Variants in ZNF562 observed in about 807,000 individuals in gnomAD.
The protein encoded by ZNF562 is zinc finger protein 562.
ZNF562 carries 13 observed loss-of-function variants against 17.5 expected under a neutral mutation model. That is an observed-to-expected ratio of 0.74 (90% CI 0.48 to 1.18). The LOEUF (loss-of-function observed/expected upper bound fraction) is 1.18, where lower values mean the gene tolerates loss of function less well. ZNF562 is among the 50% of genes most tolerant of loss of function. The pLI is 0.00. For missense variants in ZNF562, 481 were observed against 498.5 expected, an observed-to-expected ratio of 0.96 and a Z score of 0.33; for synonymous variants, 163 against 165.4, an observed-to-expected ratio of 0.99 and a Z score of 0.11.
Position 9,663,248 on chromosome 19 carries a change from C to CAAAAAAAAA in ZNF562, c.-130-2383_-130-2375dup, listed in dbSNP as rs59452070. Among the ~76,000 whole-genome samples, 322 of 129,940 alleles carry CAAAAAAAAA rather than the reference C, an allele frequency of 2.5e-3. 1 individual carries two copies. Among genetic ancestry groups the CAAAAAAAAA allele is most frequent in the South Asian group, 0.015 (59 of 3,858 alleles). 85.2% of individuals were successfully genotyped at this position (129,940 alleles called of 152,430 possible). On this transcript the variant is annotated intron_variant, in intron 1 of 5. Coordinates refer to ENST00000453372, the MANE Select transcript of ZNF562 (RefSeq NM_001130031.2). ...TGAAACCTCGTCTCTACTAAAAATACAAAAAAAAAAAAAATTGCCAGGCAT... is the reference window on the plus strand; with the variant it reads ...TGAAACCTCGTCTCTACTAAAAATACAAAAAAAAAAAAAAAAAAAAAAATTGCCAGGCAT...
Position 9,645,986 on chromosome 19 carries a change from T to C in ZNF562, c.*6963A>G, listed in dbSNP as rs2074803593. 1 of 151,398 alleles carries C rather than the reference T, an allele frequency of 6.6e-6. No individual in the cohort carries two copies. Among genetic ancestry groups the C allele is most frequent in the Non-Finnish European group, 1.5e-5 (1 of 67,946 alleles). 9.4% of individuals were successfully genotyped at this position (151,398 alleles called of 1,614,324 possible). A position where few individuals can be genotyped will look rare whatever the true frequency, so the allele number is the denominator to read the frequency against. On this transcript the variant is annotated 3_prime_UTR_variant, in exon 6 of 6. Coordinates refer to ENST00000453372, the MANE Select transcript of ZNF562 (RefSeq NM_001130031.2). ...ACAAAAAAAATTAGATGCTAGAAAT[T>C]AATCCAAATTATTACTAATTAAATG... is the stretch of plus-strand genomic sequence containing the variant.
At chr19:9,672,853 C>G (rs1416098052) in intron 1 of ZNF562, among the ~76,000 whole-genome samples, 1 of 148,560 alleles carries the variant, frequency 6.7e-6, no homozygotes, top group African/African-American at 2.5e-5. Flanking sequence ...GATCTCGGCT[C>G]AATGCAACCT....
intron 1 of ZNF562, among the ~76,000 whole-genome samples, chr19:9,669,970 G>A (rs1207612387): frequency 6.6e-6 from 1 of 152,152 alleles, no homozygotes; most frequent in Admixed American, 6.6e-5. Context: ...GCTGAGGTAA[G>A]AGAATTGCTT....
chr19:9,671,202 T>C (rs2044186638), intron 1 of ZNF562, among the ~76,000 whole-genome samples: 1 of 152,212 alleles, frequency 6.6e-6, no homozygotes, highest in Admixed American at 6.5e-5. Context: ...ACCCTGATTA[T>C]GTGAATGTAT....
In ZNF562 at chr19:9,652,084, A is replaced by G. The variant is rs779542877; in HGVS notation, c.*865T>C. On this transcript the variant is annotated 3_prime_UTR_variant, in exon 6 of 6. Transcript: ENST00000453372. The stretch of plus-strand genomic sequence containing the variant: ...ATCCTCAAAGTGTGGCTGAACAATC[A>G]TTTGATAAAGAGATCATGAGTGGGA... 6.6e-6 allele frequency: 1 copy of G among 152,234 alleles called. No individual in the cohort carries two copies. The highest frequency in any genetic ancestry group is 1.5e-5 in the Non-Finnish European group (1 of 68,034). The allele number at this position is 152,234 out of a possible 1,614,324, so 9.4% of individuals were successfully genotyped here. A position where few individuals can be genotyped will look rare whatever the true frequency, so the allele number is the denominator to read the frequency against.
chr19:9,673,811 G>T (rs1158382869), intron 1 of ZNF562, among the ~76,000 whole-genome samples: 3 of 152,012 alleles, frequency 2.0e-5, no homozygotes, highest in Non-Finnish European at 2.9e-5. Flanking sequence ...TTCGAGACCA[G>T]CCTGGCCAAC....
chr19:9,660,876 T>C lies in ZNF562; in HGVS notation c.-130-2A>G, dbSNP rs927244903. ...CTTTGTACAGGGTTATCTGAGGCCC[T>C]GTTCATACCAATCACCAAACAACAA... On this transcript the variant is annotated splice_acceptor_variant, in intron 1 of 5. Coordinates refer to ENST00000453372, the MANE Select transcript of ZNF562 (RefSeq NM_001130031.2). LOFTEE classifies it low-confidence loss of function (5UTR_SPLICE). 8.1e-6 allele frequency: 6 copies of C among 743,498 alleles called. No homozygotes were observed. Among genetic ancestry groups the C allele is most frequent in the Non-Finnish European group, 1.3e-5 (6 of 467,874 alleles). 46.1% of individuals were successfully genotyped at this position (743,498 alleles called of 1,614,324 possible). A position where few individuals can be genotyped will look rare whatever the true frequency, so the allele number is the denominator to read the frequency against.
intron 1 of ZNF562, among the ~76,000 whole-genome samples, chr19:9,672,270 T>G (rs926501070): frequency 2.6e-5 from 4 of 152,208 alleles, no homozygotes; most frequent in African/African-American, 9.6e-5. Context: ...TTACGGAAAG[T>G]AGACATTAGA....
chr19:9,653,543 C>T lies in ZNF562; in HGVS notation c.687G>A (p.Glu229=), dbSNP rs1430164392. 2 of 1,614,212 alleles carry T rather than the reference C, an allele frequency of 1.2e-6. No homozygotes were observed. Among genetic ancestry groups the T allele is most frequent in the Non-Finnish European group, 1.7e-6 (2 of 1,180,038 alleles). ...LDNHMGIHIG[E]KLCEFQECER... ...CACATTCCTGAAATTCACAGAGTTT[C>T]TCTCCAATGTGGATTCCCATGTGAT... The change falls in exon 6 of 6, where the codon GAG becomes GAA. Residue 229 remains glutamate (E), a synonymous_variant. Transcript: ENST00000453372.
chr19:9,656,663 T>TA lies in ZNF562; in HGVS notation c.242-11dup. 6.2e-7 allele frequency: 1 copy of TA among 1,610,992 alleles called. No individual in the cohort carries two copies. Among genetic ancestry groups the TA allele is most frequent in the South Asian group, 1.1e-5 (1 of 90,914 alleles). On this transcript the variant is annotated splice_polypyrimidine_tract_variant and intron_variant, in intron 4 of 5. Coordinates refer to ENST00000453372, the MANE Select transcript of ZNF562 (RefSeq NM_001130031.2). ...AAGCAGAAAAAGAAATCTAAGGGTT[T>TA]AGAGAAGAAATGTGTTAGTTTAAAA...
Position 9,643,753 on chromosome 19 carries a change from C to T in ZNF562, c.*9196G>A, listed in dbSNP as rs1039884846. 1.3e-5 allele frequency: 2 copies of T among 152,004 alleles called. No homozygotes were observed. Among genetic ancestry groups the T allele is most frequent in the African/African-American group, 2.4e-5 (1 of 41,368 alleles). 9.4% of individuals were successfully genotyped at this position (152,004 alleles called of 1,614,324 possible). A position where few individuals can be genotyped will look rare whatever the true frequency, so the allele number is the denominator to read the frequency against. On this transcript the variant is annotated 3_prime_UTR_variant, in exon 6 of 6. Transcript: ENST00000453372. The stretch of plus-strand genomic sequence containing the variant: ...CTGAGCTCAAGTAATCCTTTTGCCT[C>T]CTTTCAAAGTGTTGAGACTCCAGGC...
At chr19:9,663,223 T>C (rs1410626638) in intron 1 of ZNF562, among the ~76,000 whole-genome samples, 3 of 144,916 alleles carry the variant, frequency 2.1e-5, no homozygotes. Context: ...GCTAATGCAG[T>C]GAAACCTCGT....
At position 9,653,789 on chromosome 19, in the gene ZNF562, C is replaced by T. The variant is rs565615456; in HGVS notation, c.441G>A (p.Gln147=). 189 of 1,614,066 alleles carry T rather than the reference C, an allele frequency of 1.2e-4. 1 individual carries two copies. Among genetic ancestry groups the T allele is most frequent in the East Asian group, 1.2e-3 (52 of 44,868 alleles). ...TACCCTCAAAAGTGTTCCCTCCATT[C>T]TGAGCTCTCATGTGTGTCTTAAGGC... ...QFCLKTHMRA[Q]NGGNTFEGNC... Residue 147 remains glutamine, a synonymous_variant, in exon 6 of 6, where the codon CAG becomes CAA. Coordinates refer to ENST00000453372, the MANE Select transcript of ZNF562 (RefSeq NM_001130031.2).
chr19:9,657,992 A>C lies in ZNF562; in HGVS notation c.241+17T>G. 2.5e-6 allele frequency: 4 copies of C among 1,602,936 alleles called. No homozygotes were observed. Among genetic ancestry groups the C allele is most frequent in the Non-Finnish European group, 3.4e-6 (4 of 1,173,146 alleles). On this transcript the variant is annotated intron_variant, in intron 4 of 5. Transcript: ENST00000453372. Reference sequence around the variant, plus strand: ...AGGTGCAGGCCACCATGCCAAGCAAAGTGATGTTACTCTTACCCACAGAGG... The same window carrying C: ...AGGTGCAGGCCACCATGCCAAGCAACGTGATGTTACTCTTACCCACAGAGG...
At position 9,646,568 on chromosome 19, in the gene ZNF562, C is replaced by T. The variant is rs2074808079; in HGVS notation, c.*6381G>A. 1 of 151,980 alleles carries T rather than the reference C, an allele frequency of 6.6e-6. No individual in the cohort carries two copies. The highest frequency in any genetic ancestry group is 1.5e-5 in the Non-Finnish European group (1 of 68,012). The allele number at this position is 151,980 out of a possible 1,614,324, so 9.4% of individuals were successfully genotyped here. On this transcript the variant is annotated 3_prime_UTR_variant, in exon 6 of 6. Coordinates refer to ENST00000453372, the MANE Select transcript of ZNF562 (RefSeq NM_001130031.2). ...GAAATATCTGAAAGAATTCATAAACCTGGGTACTCTCTACCAAGATTAACA... is the reference window on the plus strand; with the variant it reads ...GAAATATCTGAAAGAATTCATAAACTTGGGTACTCTCTACCAAGATTAACA...
chr19:9,673,239 G>C lies in ZNF562; in HGVS notation c.-131+1776C>G, dbSNP rs1457190224. 2.0e-5 allele frequency among the ~76,000 whole-genome samples: 3 copies of C among 152,084 alleles called. No homozygotes were observed. In the East Asian group the frequency reaches 5.8e-4, roughly 29 times the overall value. Reference sequence around the variant, plus strand: ...GTCTGACCCTAACCCACGGGGGAGAGACACAGAAGTAGGGACCCAGCGTTA... The same window carrying C: ...GTCTGACCCTAACCCACGGGGGAGACACACAGAAGTAGGGACCCAGCGTTA... On this transcript the variant is annotated intron_variant, in intron 1 of 5. Coordinates refer to ENST00000453372, the MANE Select transcript of ZNF562 (RefSeq NM_001130031.2).
In ZNF562 at chr19:9,643,058, A is replaced by G. The variant is rs1025064491; in HGVS notation, c.*9891T>C. ...CACTGTCTCTGGAAAAAAAAAAAAA[A>G]AAAAAGAACACCACCGGCCACTGTG... On this transcript the variant is annotated 3_prime_UTR_variant, in exon 6 of 6. Coordinates refer to ENST00000453372, the MANE Select transcript of ZNF562 (RefSeq NM_001130031.2). 7.0e-6 allele frequency: 1 copy of G among 143,178 alleles called. No homozygotes were observed. The allele number at this position is 143,178 out of a possible 1,614,324, so 8.9% of individuals were successfully genotyped here. A position where few individuals can be genotyped will look rare whatever the true frequency, so the allele number is the denominator to read the frequency against.
rs888466634 is a variant in ZNF562, at chr19:9,656,749, G to C, written c.242-96C>G. On this transcript the variant is annotated intron_variant, in intron 4 of 5. Transcript: ENST00000453372. ...TATGAAAATAAAAGCCACAGGCCAG[G>C]CACGGTGACTCAGGCCCGTAATCCC... The C allele has an allele frequency of 2.4e-6, 3 of 1,257,294 alleles. No homozygotes were observed. In the African/African-American group the frequency reaches 4.5e-5, roughly 19 times the overall value. 77.9% of individuals were successfully genotyped at this position (1,257,294 alleles called of 1,614,324 possible). A position where few individuals can be genotyped will look rare whatever the true frequency, so the allele number is the denominator to read the frequency against.
At chr19:9,655,751 TTA>T in intron 5 of ZNF562, among the ~76,000 whole-genome samples, 6 of 96,722 alleles carry the variant, frequency 6.2e-5, no homozygotes, top group Non-Finnish European at 1.2e-4. Context: ...TTTTTTTTTT[TTA>T]GATGGAGTCT....
Sources: gnomAD v4.1 joint callset for allele counts (sites outside exome capture counted in the v4.1 genomes callset) on GRCh38, gnomAD v4.1.1 for gene constraint, MANE v1.5 for transcripts, NCBI Gene and HGNC (gene_info 2026-07-23, HGNC 2026-07-21) for gene names.